The following ARFGEF3 variants were observed in gnomAD, a reference collection of about 807,000 sequenced individuals.
ARFGEF3 encodes the protein brefeldin A-inhibited guanine nucleotide-exchange protein 3.
Under a neutral mutation model 221.7 loss-of-function variants are expected in ARFGEF3, and 96 were observed. The ratio of observed to expected loss-of-function variants is 0.43; its 90% CI spans 0.37 to 0.51. The LOEUF (loss-of-function observed/expected upper bound fraction) is 0.51. ARFGEF3 is among the 20% of genes least tolerant of loss of function. ARFGEF3 has a pLI of 0.00. For missense variants in ARFGEF3, 2,410 were observed against 2,789.9 expected (o/e 0.86, Z 3.07); for synonymous variants, 1,145 against 1,126.8 (o/e 1.02, Z -0.32).
chr6:138,313,897 G>T lies in ARFGEF3; in HGVS notation c.4303G>T (p.Asp1435Tyr). ...RLQEQSASSE[D>Y]GIESVLSDFD... ...TCAGGAACAGTCAGCCAGCAGTGAG[G>T]ATGGAATTGAATCAGTCCTGTCTGA... Residue 1435 changes from aspartate to tyrosine, a missense_variant, in exon 26 of 34, where the codon GAT becomes TAT. This residue lies in a region of ARFGEF3 where 723 missense variants were observed against 991.9 expected (regional missense o/e 0.73). Transcript: ENST00000251691. 3.1e-6 allele frequency: 5 copies of T among 1,613,902 alleles called. No individual in the cohort carries two copies. The highest frequency in any genetic ancestry group is 4.2e-6 in the Non-Finnish European group (5 of 1,179,852).
Position 138,317,375 on chromosome 6 carries a change from A to T in ARFGEF3, c.4470A>T (p.Thr1490=), listed in dbSNP as rs1449811502. ...LFELLRDVTK[T]PGPGFGIYAV... is the part of the protein sequence containing the mutation. ...AGCTGTTGAGAGATGTGACGAAAAC[A>T]CCAGGTAAATATTTCTGTGTCCGTC... Residue 1490 remains threonine, a synonymous_variant, in exon 27 of 34, where the codon ACA becomes ACT. Coordinates refer to ENST00000251691, the MANE Select transcript of ARFGEF3 (RefSeq NM_020340.5). 1.9e-6 allele frequency: 3 copies of T among 1,613,914 alleles called. No homozygotes were observed. The South Asian group carries it at 3.3e-5, about 18-fold the overall frequency.
chr6:138,227,387 GT>G (rs1175798800), intron 4 of ARFGEF3, among the ~76,000 whole-genome samples: 2 of 152,226 alleles, frequency 1.3e-5, no homozygotes, highest in Non-Finnish European at 2.9e-5. Flanking sequence ...ACTGGGTCAA[GT>G]TTCAAACACT....
At chr6:138,177,696 T>C (rs1201234001) in intron 2 of ARFGEF3, among the ~76,000 whole-genome samples, 1 of 152,088 alleles carries the variant, frequency 6.6e-6, no homozygotes, top group Non-Finnish European at 1.5e-5. Flanking sequence ...CTCACTGTAT[T>C]ATTTCAAAAG....
rs562343402 is a variant in ARFGEF3 at position 138,221,053 on chromosome 6, G to T, written c.352-8731G>T. Among the ~76,000 whole-genome samples, 41 of 152,222 alleles carry T rather than the reference G, an allele frequency of 2.7e-4. No homozygotes were observed. In the South Asian group the frequency reaches 3.3e-3, roughly 12 times the overall value. ...CAGCTGTGCTTGCTCATACATCTTC[G>T]GTCAGTTGGTGGCTTGGCTGGGGCT... On this transcript the variant is annotated intron_variant, in intron 4 of 33. Coordinates refer to ENST00000251691, the MANE Select transcript of ARFGEF3 (RefSeq NM_020340.5).
At chr6:138,304,721 A>C (rs1371730344) in intron 22 of ARFGEF3, among the ~76,000 whole-genome samples, 2 of 152,214 alleles carry the variant, frequency 1.3e-5, no homozygotes, top group South Asian at 2.1e-4. Flanking sequence ...TCTTACTATA[A>C]GTGATTTGTG....
At chr6:138,279,471 T>A (rs1583046355) in intron 13 of ARFGEF3, among the ~76,000 whole-genome samples, 2 of 152,252 alleles carry the variant, frequency 1.3e-5, no homozygotes, top group South Asian at 2.1e-4. Context: ...GCTCCTGTGA[T>A]GGAGCAAGCC....
At chr6:138,318,069 C>A (rs867640865) in intron 27 of ARFGEF3, among the ~76,000 whole-genome samples, 33 of 152,228 alleles carry the variant, frequency 2.2e-4, no homozygotes, top group Non-Finnish European at 3.5e-4. Context: ...AAGCCACTTT[C>A]TTACTAAGAG....
At chr6:138,193,510 T>C (rs544529297) in intron 2 of ARFGEF3, among the ~76,000 whole-genome samples, 1 of 152,350 alleles carries the variant, frequency 6.6e-6, no homozygotes, top group Admixed American at 6.5e-5. Context: ...ACACAGCGCC[T>C]GGACATGTAG....
intron 2 of ARFGEF3, among the ~76,000 whole-genome samples, chr6:138,180,484 C>A (rs1777056868): frequency 6.6e-6 from 1 of 152,170 alleles, no homozygotes; most frequent in African/African-American, 2.4e-5. Flanking sequence ...TTCTTGCCTT[C>A]TTCCTTTTCT....
At chr6:138,198,800 A>G (rs1216230456) in intron 2 of ARFGEF3, among the ~76,000 whole-genome samples, 6 of 152,230 alleles carry the variant, frequency 3.9e-5, no homozygotes, top group Admixed American at 3.9e-4. Context: ...GAAAGTTCAC[A>G]TTATTTGTTT....
intron 2 of ARFGEF3, among the ~76,000 whole-genome samples, chr6:138,172,427 T>G (rs1776854610): frequency 6.6e-6 from 1 of 152,194 alleles, no homozygotes; most frequent in Non-Finnish European, 1.5e-5. Flanking sequence ...GTTACCCACC[T>G]GTGTCTTACA....
intron 8 of ARFGEF3, among the ~76,000 whole-genome samples, chr6:138,251,588 C>T (rs914878402): frequency 6.6e-6 from 1 of 152,172 alleles, no homozygotes; most frequent in Non-Finnish European, 1.5e-5. Context: ...GTGTGGCCTA[C>T]AGGACCCTTC....
At chr6:138,224,427 T>C (rs1778041946) in intron 4 of ARFGEF3, among the ~76,000 whole-genome samples, 1 of 152,218 alleles carries the variant, frequency 6.6e-6, no homozygotes. Context: ...CTTACTTGGT[T>C]ACAAAAACTG....
intron 2 of ARFGEF3, among the ~76,000 whole-genome samples, chr6:138,205,775 G>A (rs1777615193): frequency 1.3e-5 from 2 of 152,222 alleles, no homozygotes; most frequent in African/African-American, 4.8e-5. Context: ...GGGTTGTTGA[G>A]GGGCACGGTG....
At chr6:138,243,911 C>T (rs1778437169) in intron 7 of ARFGEF3, among the ~76,000 whole-genome samples, 1 of 152,130 alleles carries the variant, frequency 6.6e-6, no homozygotes, top group African/African-American at 2.4e-5. Flanking sequence ...GGAAGGTGCC[C>T]TTTTCAGTTG....
chr6:138,324,211 A>C, intron 31 of ARFGEF3, 57 bp downstream of exon 31: 1 of 1,574,166 alleles, frequency 6.4e-7, no homozygotes, highest in South Asian at 1.1e-5. Context: ...GCATGTTGGG[A>C]GACCTTCCTT....
chr6:138,323,380 G>A (rs143070039), intron 29 of ARFGEF3, among the ~76,000 whole-genome samples: 2,126 of 152,248 alleles, frequency 0.014, 57 homozygotes, highest in African/African-American at 0.048. Flanking sequence ...GGGAGGCCGA[G>A]GTGGGTAGAT....
chr6:138,311,914 A>G (rs1330669014), intron 25 of ARFGEF3, among the ~76,000 whole-genome samples: 1 of 152,148 alleles, frequency 6.6e-6, no homozygotes, highest in Non-Finnish European at 1.5e-5. Flanking sequence ...AGTCAAGATC[A>G]TCTAGCAGAG....
At chr6:138,333,073 G>A (rs1780256166) in intron 32 of ARFGEF3, among the ~76,000 whole-genome samples, 2 of 152,106 alleles carry the variant, frequency 1.3e-5, no homozygotes, top group Admixed American at 6.6e-5. Flanking sequence ...TCCAGTTTGG[G>A]GCATTAATTG....
Sources: gnomAD v4.1 joint callset for allele counts (sites outside exome capture counted in the v4.1 genomes callset) on GRCh38, gnomAD v4.1.1 for gene constraint, gnomAD v4.1.1 regional missense constraint, MANE v1.5 for transcripts, NCBI Gene and HGNC (gene_info 2026-07-23, HGNC 2026-07-21) for gene names.